The following SCD5 variants were observed in gnomAD, a reference collection of about 807,000 sequenced individuals.
The protein encoded by SCD5 is acyl-CoA-desaturase 4.
Under a neutral mutation model 30.4 loss-of-function variants are expected in SCD5, and 20 were observed. The observed-to-expected ratio is 0.66, with a 90% CI of 0.46 to 0.96. The LOEUF (loss-of-function observed/expected upper bound fraction) is 0.96. Ranked by LOEUF, SCD5 falls within the 40% of genes least tolerant of loss-of-function variation. The pLI, the probability that SCD5 is intolerant of heterozygous loss-of-function variation, is 0.00. For synonymous variants in SCD5, 173 were observed against 176.4 expected, an observed-to-expected ratio of 0.98 and a Z score of 0.16; for missense variants, 381 against 443.3, an observed-to-expected ratio of 0.86 and a Z score of 1.26.
intron 2 of SCD5, among the ~76,000 whole-genome samples, chr4:82,699,016 A>T (rs139322356): frequency 1.1e-3 from 173 of 152,300 alleles, no homozygotes; most frequent in African/African-American, 3.8e-3. Flanking sequence ...GCTGAATGAA[A>T]GGATAAATGT....
At chr4:82,683,064 G>A (rs1578019661) in intron 2 of SCD5, among the ~76,000 whole-genome samples, 1 of 152,306 alleles carries the variant, frequency 6.6e-6, no homozygotes, top group East Asian at 1.9e-4. Flanking sequence ...TAATCCTTGG[G>A]TTTTGGGGGA....
intron 1 of SCD5, among the ~76,000 whole-genome samples, chr4:82,747,073 C>CCCCCCCCG (rs770301783): frequency 1.3e-5 from 2 of 149,580 alleles, no homozygotes; most frequent in Non-Finnish European, 3.0e-5. Context: ...CAACCTGCCC[C>CCCCCCCCG]CCAAGAAAGA....
intron 2 of SCD5, among the ~76,000 whole-genome samples, chr4:82,695,876 C>T (rs1270829169): frequency 6.6e-6 from 1 of 152,158 alleles, no homozygotes; most frequent in East Asian, 1.9e-4. Context: ...ATGATCCTAG[C>T]CCATATTCAA....
intron 3 of SCD5, among the ~76,000 whole-genome samples, chr4:82,673,314 C>T (rs1171754273): frequency 6.6e-6 from 1 of 152,094 alleles, no homozygotes; most frequent in East Asian, 1.9e-4. Flanking sequence ...GCTATTACAA[C>T]AAGGTTGCCA....
intron 1 of SCD5, among the ~76,000 whole-genome samples, chr4:82,725,376 A>G (rs1371463215): frequency 6.6e-6 from 1 of 152,252 alleles, no homozygotes; most frequent in African/African-American, 2.4e-5. Flanking sequence ...TTCAGAGGGT[A>G]AAAGCCATAC....
At chr4:82,638,580 C>T (rs954919981) in intron 3 of SCD5, among the ~76,000 whole-genome samples, 2 of 152,154 alleles carry the variant, frequency 1.3e-5, no homozygotes, top group African/African-American at 4.8e-5. Flanking sequence ...TATTAGCTCC[C>T]CCACACTTCC....
chr4:82,762,007 T>C (rs1051064687), intron 1 of SCD5, among the ~76,000 whole-genome samples: 2 of 151,476 alleles, frequency 1.3e-5, no homozygotes, highest in African/African-American at 4.9e-5. Context: ...ACCCCATCTC[T>C]ACAAAAAAAT....
At chr4:82,700,308 C>T (rs1316692458) in intron 2 of SCD5, among the ~76,000 whole-genome samples, 3 of 151,968 alleles carry the variant, frequency 2.0e-5, no homozygotes, top group Non-Finnish European at 4.4e-5. Context: ...AGATCCAGGA[C>T]ACTCAGAAAA....
chr4:82,748,402 C>T (rs1181450423), intron 1 of SCD5, among the ~76,000 whole-genome samples: 1 of 152,144 alleles, frequency 6.6e-6, no homozygotes, highest in African/African-American at 2.4e-5. Flanking sequence ...TTTGGACCAG[C>T]TGGATGAGGA....
chr4:82,692,871 C>T (rs767861038), intron 2 of SCD5, among the ~76,000 whole-genome samples: 4 of 152,204 alleles, frequency 2.6e-5, no homozygotes, highest in Non-Finnish European at 5.9e-5. Flanking sequence ...TCAGGTCTGC[C>T]TTGGCCCACA....
At chr4:82,774,589 G>T (rs1036391798) in intron 1 of SCD5, among the ~76,000 whole-genome samples, 4 of 152,070 alleles carry the variant, frequency 2.6e-5, no homozygotes, top group Non-Finnish European at 1.5e-5. Flanking sequence ...AAAATTCCTC[G>T]AAAAGAAAGA....
chr4:82,679,281 AAGGAAG>A (rs1435729498), intron 3 of SCD5, among the ~76,000 whole-genome samples: 1 of 120,432 alleles, frequency 8.3e-6, no homozygotes, highest in African/African-American at 3.0e-5. Context: ...AGAAAGAAAG[AAGGAAG>A]GAAAGAAAGA....
At chr4:82,728,547 T>G (rs1048112763) in intron 1 of SCD5, among the ~76,000 whole-genome samples, 9 of 152,146 alleles carry the variant, frequency 5.9e-5, no homozygotes, top group Admixed American at 4.6e-4. Flanking sequence ...CTAAGATTGG[T>G]TTTTTGAAAT....
intron 1 of SCD5, among the ~76,000 whole-genome samples, chr4:82,742,099 G>T (rs1031345891): frequency 3.3e-5 from 5 of 150,278 alleles, no homozygotes; most frequent in African/African-American, 1.2e-4. Flanking sequence ...AAAAAAGAAA[G>T]ATGGGCAAGA....
At position 82,636,764 on chromosome 4, in the gene SCD5, TA is replaced by T; in HGVS notation, c.628del (p.Tyr210ThrfsTer80). The stretch of plus-strand genomic sequence containing the variant: ...ATTCCACAGACTCTCTCCCCAGATG[TA>T]CCAGGGCACCAGCGTGGGGACCACA... ...CFVVPTLVPW[Y>X]IWGESLWNSY... is the part of the protein sequence containing the mutation. On this transcript the variant is annotated frameshift_variant, in exon 4 of 5. Transcript: ENST00000319540. LOFTEE classifies it high-confidence loss of function. 1 of 1,614,216 alleles carries T rather than the reference TA, an allele frequency of 6.2e-7. No homozygotes were observed. The highest frequency in any genetic ancestry group is 8.5e-7 in the Non-Finnish European group (1 of 1,180,036).
intron 1 of SCD5, among the ~76,000 whole-genome samples, chr4:82,772,133 T>C (rs1721637819): frequency 1.3e-5 from 2 of 152,068 alleles, no homozygotes. Flanking sequence ...AATGTGTGAG[T>C]TGAGGGAAAG....
chr4:82,724,123 T>C (rs912241957), intron 1 of SCD5, among the ~76,000 whole-genome samples: 8 of 152,244 alleles, frequency 5.3e-5, no homozygotes, highest in African/African-American at 1.4e-4. Context: ...GTGGTAGATA[T>C]ATGGGTGTTT....
intron 1 of SCD5, among the ~76,000 whole-genome samples, chr4:82,711,188 C>G (rs1054322351): frequency 6.6e-6 from 1 of 152,094 alleles, no homozygotes; most frequent in Non-Finnish European, 1.5e-5. Flanking sequence ...AAAGATCCCC[C>G]CCCCGATAAC....
chr4:82,736,039 A>C (rs1720743468), intron 1 of SCD5, among the ~76,000 whole-genome samples: 1 of 152,220 alleles, frequency 6.6e-6, no homozygotes, highest in South Asian at 2.1e-4. Flanking sequence ...CAATTCCAGC[A>C]CTTTAGGAGA....
Sources: gnomAD v4.1 joint callset for allele counts (sites outside exome capture counted in the v4.1 genomes callset) on GRCh38, gnomAD v4.1.1 for gene constraint, MANE v1.5 for transcripts, NCBI Gene and HGNC (gene_info 2026-07-23, HGNC 2026-07-21) for gene names.